PRKG1: variants seen among roughly 807,000 people sequenced by gnomAD.
The protein encoded by PRKG1 is protein kinase cGMP-dependent 1, also known as cGMP-dependent protein kinase 1.
Under a neutral mutation model 88.1 loss-of-function variants are expected in PRKG1, and 35 were observed. The observed-to-expected ratio is 0.40, with a 90% CI of 0.30 to 0.53. The LOEUF is 0.53. Among genes scored for constraint, PRKG1 ranks in the 20% least tolerant of loss-of-function variants. The pLI, the probability that PRKG1 is intolerant of heterozygous loss-of-function variation, is 0.59. For synonymous variants in PRKG1, 303 were observed against 292.5 expected, an observed-to-expected ratio of 1.04 and a Z score of -0.37; for missense variants, 540 against 839.8, an observed-to-expected ratio of 0.64 and a Z score of 4.41.
At chr10:52,213,811 T>C (rs1564518494) in intron 9 of PRKG1, among the ~76,000 whole-genome samples, 1 of 152,166 alleles carries the variant, frequency 6.6e-6, no homozygotes, top group Admixed American at 6.5e-5. Flanking sequence ...ATTCACTTTG[T>C]ATTCTACCTC....
chr10:52,233,184 CAAA>C (rs3031022), intron 9 of PRKG1, among the ~76,000 whole-genome samples: 7 of 142,204 alleles, frequency 4.9e-5, no homozygotes, highest in Admixed American at 1.4e-4. Flanking sequence ...AAAAGGGAGC[CAAA>C]AAAAAAAAAA....
intron 2 of PRKG1, among the ~76,000 whole-genome samples, chr10:51,211,701 G>T (rs969196019): frequency 6.6e-6 from 1 of 152,130 alleles, no homozygotes; most frequent in African/African-American, 2.4e-5. Flanking sequence ...AATCATGAGT[G>T]AGCTCCCATT....
chr10:51,271,189 G>T (rs74133553), intron 2 of PRKG1, among the ~76,000 whole-genome samples: 13,989 of 151,928 alleles, frequency 0.092, 2,108 homozygotes, highest in African/African-American at 0.32. Context: ...AGCTATATAT[G>T]ACTAGATGGT....
chr10:50,999,457 C>T (rs188277818), intron 1 of PRKG1, among the ~76,000 whole-genome samples: 124 of 152,326 alleles, frequency 8.1e-4, no homozygotes, highest in Non-Finnish European at 1.3e-3. Flanking sequence ...CAATTATCCT[C>T]TCGGACTTAT....
intron 9 of PRKG1, among the ~76,000 whole-genome samples, chr10:52,181,104 TG>T (rs917384400): frequency 1.3e-5 from 2 of 152,180 alleles, no homozygotes; most frequent in African/African-American, 4.8e-5. Flanking sequence ...TTGTCCAACC[TG>T]GGGGCTTGTC....
chr10:51,536,664 T>C (rs907010960), intron 3 of PRKG1, among the ~76,000 whole-genome samples: 3 of 152,030 alleles, frequency 2.0e-5, no homozygotes, highest in Non-Finnish European at 2.9e-5. Flanking sequence ...ATTATTATTA[T>C]TATACTTTAA....
chr10:52,207,593 G>T (rs1839854659), intron 9 of PRKG1, among the ~76,000 whole-genome samples: 1 of 152,116 alleles, frequency 6.6e-6, no homozygotes, highest in Non-Finnish European at 1.5e-5. Flanking sequence ...ACCAAACCTT[G>T]AAGCTCCACA....
intron 3 of PRKG1, among the ~76,000 whole-genome samples, chr10:51,600,507 T>C (rs1390434892): frequency 3.9e-5 from 6 of 152,166 alleles, no homozygotes; most frequent in Non-Finnish European, 8.8e-5. Context: ...TACAGCCACA[T>C]AGAAAATTTA....
At chr10:51,074,244 T>G, upstream of PRKG1, 5 of 228,738 alleles carry the variant, frequency 2.2e-5, no homozygotes, top group Admixed American at 5.3e-5. Flanking sequence ...GGAGCCCCCA[T>G]TCACGTCCCC....
chr10:51,409,164 C>T lies in PRKG1; in HGVS notation c.479-58559C>T, dbSNP rs1356002215. Among the ~76,000 whole-genome samples, 13 of 152,156 alleles carry T rather than the reference C, an allele frequency of 8.5e-5. No homozygotes were observed. The East Asian group carries it at 1.9e-3, about 23-fold the overall frequency. ...GGGATGTCCCAGAAAGGGGCTATGCCGTAGCTGTCTGCTTTTGGGTGGTGC... is the reference window on the plus strand; with the variant it reads ...GGGATGTCCCAGAAAGGGGCTATGCTGTAGCTGTCTGCTTTTGGGTGGTGC... On this transcript the variant is annotated intron_variant, in intron 2 of 17. Transcript: ENST00000373980.
intron 4 of PRKG1, among the ~76,000 whole-genome samples, chr10:51,875,594 C>T (rs184553144): frequency 6.6e-6 from 1 of 152,204 alleles, no homozygotes; most frequent in East Asian, 1.9e-4. Context: ...AAATAGAAAG[C>T]TCACCTAATG....
At chr10:51,604,071 T>G (rs1420077091) in intron 3 of PRKG1, among the ~76,000 whole-genome samples, 1 of 143,316 alleles carries the variant, frequency 7.0e-6, no homozygotes, top group Non-Finnish European at 1.5e-5. Context: ...ACAGGATTAA[T>G]GAAGATCTGG....
Position 52,030,638 on chromosome 10 carries a change from G to C in PRKG1, c.763-23846G>C, listed in dbSNP as rs923055516. Among the ~76,000 whole-genome samples the C allele has an allele frequency of 3.9e-5, 6 of 152,166 alleles. 1 individual carries two copies. Among genetic ancestry groups the C allele is most frequent in the Non-Finnish European group, 8.8e-5 (6 of 68,026 alleles). ...GCAAGGGAAGAAACAGAGGAACTCA[G>C]AAGTCAGCGATGGGAAGTGACCATG... On this transcript the variant is annotated intron_variant, in intron 5 of 17. Coordinates refer to ENST00000373980, the MANE Select transcript of PRKG1 (RefSeq NM_006258.4).
chr10:51,896,373 C>A (rs1290456323), intron 4 of PRKG1, among the ~76,000 whole-genome samples: 4 of 151,798 alleles, frequency 2.6e-5, no homozygotes, highest in African/African-American at 9.7e-5. Context: ...CTTGTGTTTG[C>A]CACAACTCTA....
At chr10:52,053,616 C>T (rs552372913) in intron 5 of PRKG1, among the ~76,000 whole-genome samples, 50 of 152,262 alleles carry the variant, frequency 3.3e-4, no homozygotes, top group Middle Eastern at 3.4e-3. Flanking sequence ...ATACTTTCTC[C>T]GACCTCTCCT....
chr10:51,699,214 G>A, intron 3 of PRKG1: 1 of 1,614,142 alleles, frequency 6.2e-7, no homozygotes, highest in Non-Finnish European at 8.5e-7. Context: ...CATAGGGTGA[G>A]TCAATAATGG....
In PRKG1 at chr10:51,005,529, A is replaced by G. The variant is rs1842932510; in HGVS notation, c.266+13885A>G. ...GAACAATAGGACAAAAGGAAATGAGATGGTTTAGGTATTATTACCATATTA... is the reference window on the plus strand; with the variant it reads ...GAACAATAGGACAAAAGGAAATGAGGTGGTTTAGGTATTATTACCATATTA... On this transcript the variant is annotated intron_variant, in intron 1 of 17. Coordinates refer to the PRKG1 transcript ENST00000401604. Among the ~76,000 whole-genome samples, 4 of 152,190 alleles carry G rather than the reference A, an allele frequency of 2.6e-5. No homozygotes were observed. The South Asian group carries it at 6.2e-4, about 24-fold the overall frequency.
chr10:51,882,435 T>C (rs752577015), intron 4 of PRKG1, among the ~76,000 whole-genome samples: 4 of 152,224 alleles, frequency 2.6e-5, no homozygotes, highest in Non-Finnish European at 5.9e-5. Context: ...TGAGATTTCC[T>C]TCCAGATCAT....
At chr10:52,214,441 G>T (rs567490855) in intron 9 of PRKG1, among the ~76,000 whole-genome samples, 2 of 152,078 alleles carry the variant, frequency 1.3e-5, no homozygotes, top group Admixed American at 1.3e-4. Flanking sequence ...AATCATCACC[G>T]CACTAACATT....
Sources: allele counts gnomAD v4.1 joint callset (sites outside exome capture counted in the v4.1 genomes callset), GRCh38; gene constraint gnomAD v4.1.1; transcripts MANE v1.5; gene names NCBI Gene and HGNC (gene_info 2026-07-23, HGNC 2026-07-21).